The following WDR70 variants were observed in gnomAD, a reference collection of about 807,000 sequenced individuals.
WDR70 encodes the protein WD repeat-containing protein 70.
A neutral mutation model predicts 88.6 loss-of-function variants in WDR70; 53 were observed. That is an observed-to-expected ratio of 0.60 (90% CI 0.48 to 0.75). WDR70 has a LOEUF of 0.75. Ranked by LOEUF, WDR70 falls within the 30% of genes least tolerant of loss-of-function variation. The probability of loss-of-function intolerance (pLI) is 0.00; values close to 1 mark genes in which losing one functional copy is unlikely to be tolerated. For synonymous variants in WDR70, 280 were observed against 270.0 expected (o/e 1.04, Z -0.36); for missense variants, 610 against 823.2 (o/e 0.74, Z 3.17).
rs35578229 is a variant in WDR70 at position 37,533,457 on chromosome 5, TCACCACCACCACCACCAC to T, written c.917+16895_917+16912del. Among the ~76,000 whole-genome samples the T allele has an allele frequency of 8.0e-3, 1,134 of 141,272 alleles. 13 individuals carry two copies. Among genetic ancestry groups the T allele is most frequent in the South Asian group, 0.019 (81 of 4,192 alleles). 92.7% of individuals were successfully genotyped at this position (141,272 alleles called of 152,430 possible). On this transcript the variant is annotated intron_variant, in intron 9 of 17. Coordinates refer to ENST00000265107, the MANE Select transcript of WDR70 (RefSeq NM_018034.4). The stretch of plus-strand genomic sequence containing the variant: ...AAACAACAACAAAACAACAAAACAA[TCACCACCACCACCACCAC>T]CACCACCACCACCACCACCACCACC...
At chr5:37,518,648 C>T (rs976023099) in intron 9 of WDR70, among the ~76,000 whole-genome samples, 2 of 148,838 alleles carry the variant, frequency 1.3e-5, no homozygotes, top group Non-Finnish European at 3.0e-5. Flanking sequence ...CTATTGCAAA[C>T]AGTGCTGCAA....
intron 5 of WDR70, among the ~76,000 whole-genome samples, chr5:37,409,607 C>T (rs1033430810): frequency 8.6e-5 from 13 of 151,274 alleles, no homozygotes; most frequent in Middle Eastern, 3.4e-3. Flanking sequence ...TGGGTTCAAG[C>T]GATTCTCCCG....
chr5:37,583,420 CA>C (rs142442041), intron 9 of WDR70, among the ~76,000 whole-genome samples: 76 of 59,240 alleles, frequency 1.3e-3, no homozygotes, highest in South Asian at 1.5e-3. Flanking sequence ...GACTCTGTCT[CA>C]AAAAAAAAAA....
At chr5:37,432,483 A>C (rs1308252678) in intron 5 of WDR70, among the ~76,000 whole-genome samples, 1 of 151,824 alleles carries the variant, frequency 6.6e-6, no homozygotes, top group African/African-American at 2.4e-5. Flanking sequence ...CCGCCTCCTG[A>C]GTTCAAGCGA....
At chr5:37,495,785 T>C (rs758905172) in intron 8 of WDR70, among the ~76,000 whole-genome samples, 1 of 152,212 alleles carries the variant, frequency 6.6e-6, no homozygotes, top group Non-Finnish European at 1.5e-5. Context: ...CTGAATCTGT[T>C]TAGACCCATT....
intron 9 of WDR70, among the ~76,000 whole-genome samples, chr5:37,562,187 G>C (rs551965464): frequency 6.6e-6 from 1 of 152,106 alleles, no homozygotes; most frequent in Non-Finnish European, 1.5e-5. Context: ...GTGAAACCCC[G>C]TCTCTATTAA....
chr5:37,453,518 G>C (rs1320924074), intron 7 of WDR70, among the ~76,000 whole-genome samples: 1 of 152,218 alleles, frequency 6.6e-6, no homozygotes, highest in Non-Finnish European at 1.5e-5. Context: ...TCTGCCCTGG[G>C]CGGGCCAGGT....
chr5:37,550,539 T>A (rs572755201), intron 9 of WDR70, among the ~76,000 whole-genome samples: 1 of 152,316 alleles, frequency 6.6e-6, no homozygotes, highest in South Asian at 2.1e-4. Flanking sequence ...TGGTTTTCTG[T>A]CAACAAAGTA....
At chr5:37,449,596 A>T (rs1561856809) in intron 7 of WDR70, among the ~76,000 whole-genome samples, 1 of 20,602 alleles carries the variant, frequency 4.9e-5, no homozygotes, top group African/African-American at 5.5e-5. Flanking sequence ...GTCTCAAAAA[A>T]AAAAAAATAA....
intron 5 of WDR70, among the ~76,000 whole-genome samples, chr5:37,402,093 C>T (rs1444567324): frequency 6.6e-6 from 1 of 152,076 alleles, no homozygotes; most frequent in Non-Finnish European, 1.5e-5. Flanking sequence ...CTTTTTCCTA[C>T]CCTTTTCACC....
At chr5:37,439,764 G>A (rs1391122024) in intron 6 of WDR70, among the ~76,000 whole-genome samples, 2 of 151,082 alleles carry the variant, frequency 1.3e-5, no homozygotes, top group African/African-American at 4.9e-5. Flanking sequence ...AGGTCCATAA[G>A]GCCAATCTTA....
At chr5:37,587,633 C>CT (rs550318086) in intron 9 of WDR70, among the ~76,000 whole-genome samples, 16 of 152,204 alleles carry the variant, frequency 1.1e-4, no homozygotes, top group South Asian at 1.0e-3. Context: ...AGAAAAGACA[C>CT]TTTTGTATCT....
chr5:37,520,484 A>G (rs989287777), intron 9 of WDR70, among the ~76,000 whole-genome samples: 5 of 152,086 alleles, frequency 3.3e-5, no homozygotes, highest in South Asian at 2.1e-4. Context: ...TTGCAGCTGC[A>G]TAATTACTTT....
At chr5:37,644,810 G>A (rs574388999) in intron 10 of WDR70, among the ~76,000 whole-genome samples, 2 of 151,902 alleles carry the variant, frequency 1.3e-5, no homozygotes, top group Non-Finnish European at 2.9e-5. Context: ...TGTAGTATTG[G>A]TTGTAATAGC....
intron 9 of WDR70, among the ~76,000 whole-genome samples, chr5:37,570,037 T>C (rs1284607904): frequency 6.6e-6 from 1 of 152,092 alleles, no homozygotes; most frequent in Non-Finnish European, 1.5e-5. Context: ...GACATACTAT[T>C]GTGGAGGGTA....
At chr5:37,388,055 A>AT (rs944094577) in intron 3 of WDR70, among the ~76,000 whole-genome samples, 1 of 151,946 alleles carries the variant, frequency 6.6e-6, no homozygotes, top group African/African-American at 2.4e-5. Flanking sequence ...AATGGTACAA[A>AT]TTTTTTTTAA....
intron 10 of WDR70, among the ~76,000 whole-genome samples, chr5:37,679,661 T>C (rs981587989): frequency 3.9e-5 from 6 of 152,200 alleles, no homozygotes; most frequent in Admixed American, 2.0e-4. Flanking sequence ...GCCTCCCAGT[T>C]AGGCTGCTTG....
chr5:37,652,667 G>C (rs1745441929), intron 10 of WDR70, among the ~76,000 whole-genome samples: 1 of 152,168 alleles, frequency 6.6e-6, no homozygotes, highest in Non-Finnish European at 1.5e-5. Flanking sequence ...TCCCTTGTAA[G>C]TTGGATTCCT....
At chr5:37,698,501 G>A (rs1023318637) in intron 11 of WDR70, among the ~76,000 whole-genome samples, 1 of 152,136 alleles carries the variant, frequency 6.6e-6, no homozygotes, top group Non-Finnish European at 1.5e-5. Context: ...AATACTAATA[G>A]CATGGTTAAG....
Sources: gnomAD v4.1 joint callset for allele counts (sites outside exome capture counted in the v4.1 genomes callset) on GRCh38, gnomAD v4.1.1 for gene constraint, MANE v1.5 for transcripts, NCBI Gene and HGNC (gene_info 2026-07-23, HGNC 2026-07-21) for gene names.